The following SIK2 variants were observed in gnomAD, a reference collection of about 807,000 sequenced individuals.
SIK2 encodes the protein salt inducible kinase 2.
Under a neutral mutation model 103.2 loss-of-function variants are expected in SIK2, and 29 were observed. That is an observed-to-expected ratio of 0.28 (90% CI 0.21 to 0.38). The LOEUF is 0.38. Ranked by LOEUF, SIK2 falls within the 10% of genes least tolerant of loss-of-function variation. SIK2 has a pLI of 1.00. For synonymous variants in SIK2, 412 were observed against 446.1 expected (o/e 0.92, Z 0.96); for missense variants, 879 against 1,171.0 (o/e 0.75, Z 3.64).
At chr11:111,666,571 A>G (rs973776157) in intron 3 of SIK2, among the ~76,000 whole-genome samples, 1 of 152,200 alleles carries the variant, frequency 6.6e-6, no homozygotes, top group Non-Finnish European at 1.5e-5. Context: ...TAATTTCAGT[A>G]ATCTTGTTTT....
At chr11:111,719,624 A>G in intron 9 of SIK2, 151 bp from the exon 10 acceptor site, 2 of 795,398 alleles carry the variant, frequency 2.5e-6, no homozygotes, top group Non-Finnish European at 4.0e-6. Flanking sequence ...CTTCACTTCT[A>G]ATCTATGTGT....
At chr11:111,632,561 C>T (rs1302661145) in intron 3 of SIK2, among the ~76,000 whole-genome samples, 1 of 152,078 alleles carries the variant, frequency 6.6e-6, no homozygotes, top group African/African-American at 2.4e-5. Flanking sequence ...ATGGATTTTA[C>T]AGTTGAAGAA....
At chr11:111,712,063 A>G (rs1373482655) in intron 8 of SIK2, 148 bp from the exon 9 acceptor site, 8 of 804,518 alleles carry the variant, frequency 9.9e-6, no homozygotes, top group Non-Finnish European at 1.6e-5. Context: ...CACCATGTAT[A>G]TATTTCACTA....
intron 3 of SIK2, among the ~76,000 whole-genome samples, chr11:111,675,538 T>C (rs1305860503): frequency 6.6e-6 from 1 of 152,204 alleles, no homozygotes; most frequent in African/African-American, 2.4e-5. Context: ...CTTCACGATG[T>C]CATTATTACT....
intron 9 of SIK2, 89 bp downstream of exon 9, chr11:111,712,464 C>T (rs2135948954): frequency 7.2e-7 from 1 of 1,393,464 alleles, no homozygotes; most frequent in East Asian, 2.5e-5. Flanking sequence ...CTTTATTGAA[C>T]TTTATCATTT....
chr11:111,684,940 T>G (rs894544096), intron 3 of SIK2, among the ~76,000 whole-genome samples: 1 of 152,230 alleles, frequency 6.6e-6, no homozygotes, highest in African/African-American at 2.4e-5. Flanking sequence ...CTGTAATATT[T>G]AGAATATGGC....
Position 111,620,324 on chromosome 11 carries a change from A to C in SIK2, c.253-15A>C, listed in dbSNP as rs1253392775. ...TACATTTCTGTCAGACTAATATGGAATTATTTATCAATAGGTAATGGAGAC... is the reference window on the plus strand; with the variant it reads ...TACATTTCTGTCAGACTAATATGGACTTATTTATCAATAGGTAATGGAGAC... On this transcript the variant is annotated splice_polypyrimidine_tract_variant and intron_variant, in intron 2 of 14. Coordinates refer to ENST00000304987, the MANE Select transcript of SIK2 (RefSeq NM_015191.3). 1 of 1,513,006 alleles carries C rather than the reference A, an allele frequency of 6.6e-7. No individual in the cohort carries two copies. The highest frequency in any genetic ancestry group is 2.3e-5 in the East Asian group (1 of 43,290). 93.7% of individuals were successfully genotyped at this position (1,513,006 alleles called of 1,614,324 possible).
At chr11:111,637,830 T>G (rs1202191327) in intron 3 of SIK2, among the ~76,000 whole-genome samples, 1 of 152,230 alleles carries the variant, frequency 6.6e-6, no homozygotes, top group Non-Finnish European at 1.5e-5. Context: ...CTTTGTATAC[T>G]CTTTATCTTT....
At chr11:111,687,298 C>T (rs773378086) in intron 3 of SIK2, among the ~76,000 whole-genome samples, 8 of 151,786 alleles carry the variant, frequency 5.3e-5, no homozygotes, top group Non-Finnish European at 7.4e-5. Flanking sequence ...AGGAGGATCA[C>T]GAGGTCAGGA....
At chr11:111,644,395 A>G (rs1942227833) in intron 3 of SIK2, among the ~76,000 whole-genome samples, 2 of 152,116 alleles carry the variant, frequency 1.3e-5, no homozygotes, top group African/African-American at 4.8e-5. Context: ...TACATTTAAA[A>G]AAAAAGGTTT....
chr11:111,672,198 G>GC (rs1003866952), intron 3 of SIK2: 29 of 401,812 alleles, frequency 7.2e-5, no homozygotes, highest in Middle Eastern at 8.1e-4. Context: ...TGGCTGTGAT[G>GC]CCCCCCCATA....
At chr11:111,677,005 G>A (rs922461543) in intron 3 of SIK2, among the ~76,000 whole-genome samples, 5 of 152,204 alleles carry the variant, frequency 3.3e-5, no homozygotes, top group African/African-American at 4.8e-5. Flanking sequence ...TGACTCATTT[G>A]TCAGTCCAGT....
intron 2 of SIK2, among the ~76,000 whole-genome samples, chr11:111,619,116 G>T (rs952622730): frequency 6.6e-6 from 1 of 152,100 alleles, no homozygotes; most frequent in Non-Finnish European, 1.5e-5. Context: ...CCATAAACTA[G>T]ACCGAGGATA....
At position 111,719,098 on chromosome 11, in the gene SIK2, T is replaced by C. The variant is rs544329003; in HGVS notation, c.1267-677T>C. Reference sequence around the variant, plus strand: ...CAGTGCACTGGGGCTTATTAGCCTCTGCTGGAATTTTGGGCCAGTGAGCCC... The same window carrying C: ...CAGTGCACTGGGGCTTATTAGCCTCCGCTGGAATTTTGGGCCAGTGAGCCC... On this transcript the variant is annotated intron_variant, in intron 9 of 14. Coordinates refer to ENST00000304987, the MANE Select transcript of SIK2 (RefSeq NM_015191.3). 3.9e-4 allele frequency among the ~76,000 whole-genome samples: 59 copies of C among 152,342 alleles called. No homozygotes were observed. In the South Asian group the frequency reaches 7.5e-3, roughly 19 times the overall value.
chr11:111,720,142 A>G, intron 10 of SIK2, 139 bp downstream of exon 10: 1 of 866,466 alleles, frequency 1.2e-6, no homozygotes, highest in Non-Finnish European at 1.8e-6. Context: ...TTCAGCAGGT[A>G]TAGCAGACAC....
chr11:111,671,908 C>T (rs1478874677), intron 3 of SIK2: 6 of 435,962 alleles, frequency 1.4e-5, no homozygotes, highest in African/African-American at 8.2e-5. Flanking sequence ...CCTCCAGCTT[C>T]AGCTTCTCTG....
chr11:111,723,940 C>T lies in SIK2; in HGVS notation c.2592C>T (p.Pro864=). ...AASPAPDYPT[P]CQYPVDGAQQ... is the part of the protein sequence containing the mutation. The stretch of plus-strand genomic sequence containing the variant: ...CCCCTGCGCCAGACTATCCCACTCC[C>T]TGTCAGTATCCTGTGGATGGAGCCC... Residue 864 remains proline, a synonymous_variant, in exon 15 of 15, where the codon CCC becomes CCT. Transcript: ENST00000304987. The T allele has an allele frequency of 1.2e-6, 2 of 1,614,114 alleles. No individual in the cohort carries two copies. The highest frequency in any genetic ancestry group is 8.5e-7 in the Non-Finnish European group (1 of 1,179,986).
intron 3 of SIK2, among the ~76,000 whole-genome samples, chr11:111,638,266 T>C (rs1347789440): frequency 2.0e-5 from 3 of 152,184 alleles, no homozygotes; most frequent in African/African-American, 7.2e-5. Flanking sequence ...GGTTCTTAGG[T>C]CTGGAGACCC....
In SIK2 at chr11:111,636,988, T is replaced by C. The variant is rs139105287; in HGVS notation, c.316+16586T>C. 4.6e-5 allele frequency among the ~76,000 whole-genome samples: 7 copies of C among 152,356 alleles called. No individual in the cohort carries two copies. The East Asian group carries it at 1.2e-3, about 25-fold the overall frequency. The stretch of plus-strand genomic sequence containing the variant: ...GTGGGTCTATTTCAATTTGTGGTGC[T>C]AGGCTATCTGGGAAATTGCCTTGAA... On this transcript the variant is annotated intron_variant, in intron 3 of 14. Coordinates refer to ENST00000304987, the MANE Select transcript of SIK2 (RefSeq NM_015191.3).
Sources: gnomAD v4.1 joint callset for allele counts (sites outside exome capture counted in the v4.1 genomes callset) on GRCh38, gnomAD v4.1.1 for gene constraint, MANE v1.5 for transcripts, NCBI Gene and HGNC (gene_info 2026-07-23, HGNC 2026-07-21) for gene names.